The following TTC3 variants were observed in gnomAD, a reference collection of about 807,000 sequenced individuals.
TTC3 encodes the protein tetratricopeptide repeat domain 3.
A neutral mutation model predicts 249.6 loss-of-function variants in TTC3; 180 were observed. The ratio of observed to expected loss-of-function variants is 0.72; its 90% CI spans 0.64 to 0.82. TTC3 has a LOEUF of 0.82. Among genes scored for constraint, TTC3 ranks in the 40% least tolerant of loss-of-function variants. TTC3 has a pLI of 0.00. For missense variants in TTC3, 2,061 were observed against 2,398.4 expected (o/e 0.86, Z 2.94); for synonymous variants, 717 against 805.0 (o/e 0.89, Z 1.85).
intron 20 of TTC3, among the ~76,000 whole-genome samples, chr21:37,141,123 T>C (rs2078404211): frequency 6.6e-6 from 1 of 152,236 alleles, no homozygotes; most frequent in African/African-American, 2.4e-5. Context: ...CTCTGAACTC[T>C]ATTGTAGTTG....
intron 16 of TTC3, among the ~76,000 whole-genome samples, chr21:37,131,049 T>A (rs554410617): frequency 5.9e-4 from 90 of 152,244 alleles, no homozygotes; most frequent in African/African-American, 1.3e-3. Context: ...ATAATAAAAA[T>A]ATATATATAT....
At chr21:37,170,143 A>T (rs188907280) in intron 34 of TTC3, among the ~76,000 whole-genome samples, 12 of 152,360 alleles carry the variant, frequency 7.9e-5, no homozygotes, top group African/African-American at 2.9e-4. Context: ...TATATCCTAT[A>T]TGCATAGCAT....
intron 36 of TTC3, among the ~76,000 whole-genome samples, chr21:37,184,299 C>T (rs1458454629): frequency 6.6e-6 from 1 of 152,140 alleles, no homozygotes; most frequent in Non-Finnish European, 1.5e-5. Context: ...TAACTAGAGG[C>T]TGTTAATGAT....
intron 1 of TTC3, among the ~76,000 whole-genome samples, chr21:37,078,789 CA>C (rs1466774720): frequency 1.3e-5 from 2 of 151,884 alleles, no homozygotes; most frequent in East Asian, 3.9e-4. Flanking sequence ...TTAATTTATT[CA>C]TTTTTTTGGT....
At chr21:37,142,452 C>T (rs1445158794) in intron 20 of TTC3, among the ~76,000 whole-genome samples, 2 of 152,106 alleles carry the variant, frequency 1.3e-5, no homozygotes, top group Non-Finnish European at 2.9e-5. Flanking sequence ...TCTTATACAC[C>T]AGTAACAGAC....
At chr21:37,091,142 C>CG in intron 6 of TTC3, 151 bp from the exon 7 acceptor site, 1 of 717,690 alleles carries the variant, frequency 1.4e-6, no homozygotes, top group Non-Finnish European at 2.3e-6. Context: ...TCTGTCTACT[C>CG]TAAGTTACAT....
chr21:37,155,339 A>T (rs1044311293), intron 27 of TTC3, among the ~76,000 whole-genome samples: 11 of 152,166 alleles, frequency 7.2e-5, no homozygotes, highest in African/African-American at 2.7e-4. Context: ...CACTAGTGAG[A>T]TAAATTTAAC....
chr21:37,094,012 C>T, exon 8 of TTC3: 1 of 1,599,390 alleles, frequency 6.3e-7, no homozygotes, highest in Non-Finnish European at 8.5e-7. Context: ...TAGACAAGTA[C>T]CACATAACTA....
intron 35 of TTC3, among the ~76,000 whole-genome samples, chr21:37,182,140 C>T (rs921137496): frequency 7.2e-5 from 11 of 152,138 alleles, no homozygotes; most frequent in Non-Finnish European, 1.6e-4. Context: ...CCCACCCAAA[C>T]CCCTTGCTAC....
At chr21:37,127,527 T>G (rs147686297) in intron 15 of TTC3, among the ~76,000 whole-genome samples, 295 of 152,342 alleles carry the variant, frequency 1.9e-3, no homozygotes, top group Admixed American at 3.4e-3. Flanking sequence ...ATTACATGCT[T>G]CCCTGCCTTT....
exon 13 of TTC3, chr21:37,123,006 A>G: frequency 6.2e-7 from 1 of 1,614,116 alleles, no homozygotes; most frequent in Non-Finnish European, 8.5e-7. Flanking sequence ...TAAGGATCCA[A>G]TTAAAGCCTT....
intron 27 of TTC3, among the ~76,000 whole-genome samples, chr21:37,155,904 T>G (rs1314579309): frequency 6.6e-6 from 1 of 152,226 alleles, no homozygotes; most frequent in Non-Finnish European, 1.5e-5. Context: ...TTTCCTCTTT[T>G]AGACACATTT....
rs555829036 is a variant in TTC3 at position 37,101,762 on chromosome 21, C to T, written c.845+5119C>T. On this transcript the variant is annotated intron_variant, in intron 10 of 45. Coordinates refer to ENST00000355666, the Ensembl canonical transcript of TTC3. Reference sequence around the variant, plus strand: ...TAAATGGGTAGGAACATACTACATACACTGTTGTACATCTTGCTTTTTTTT... The same window carrying T: ...TAAATGGGTAGGAACATACTACATATACTGTTGTACATCTTGCTTTTTTTT... 4.6e-5 allele frequency among the ~76,000 whole-genome samples: 7 copies of T among 151,498 alleles called. No individual in the cohort carries two copies. In the South Asian group the frequency reaches 1.5e-3, roughly 31 times the overall value.
At chr21:37,142,205 C>T (rs1352954935) in intron 20 of TTC3, among the ~76,000 whole-genome samples, 2 of 152,304 alleles carry the variant, frequency 1.3e-5, no homozygotes, top group Admixed American at 1.3e-4. Flanking sequence ...TAGGGATGCC[C>T]TCTCTCACCA....
chr21:37,103,846 G>C (rs185027526), intron 10 of TTC3, among the ~76,000 whole-genome samples: 147 of 151,728 alleles, frequency 9.7e-4, no homozygotes, highest in Non-Finnish European at 1.7e-3. Flanking sequence ...ATGTTCATAG[G>C]CTAAGCCAAG....
At chr21:37,156,073 A>G (rs2080041364) in intron 27 of TTC3, among the ~76,000 whole-genome samples, 1 of 151,034 alleles carries the variant, frequency 6.6e-6, no homozygotes, top group African/African-American at 2.4e-5. Context: ...GTCTTGCCCC[A>G]TCACCCAGGC....
At chr21:37,172,464 G>A (rs1285808127) in intron 34 of TTC3, 131 bp from the exon 35 acceptor site, 2 of 1,017,470 alleles carry the variant, frequency 2.0e-6, no homozygotes, top group East Asian at 5.5e-5. Flanking sequence ...CTGAATGATT[G>A]TGACATTTCC....
At chr21:37,111,077 C>G (rs1425221147) in intron 11 of TTC3, among the ~76,000 whole-genome samples, 2 of 151,454 alleles carry the variant, frequency 1.3e-5, no homozygotes, top group Non-Finnish European at 2.9e-5. Context: ...AAAGGAACAA[C>G]CGGTACCAGC....
intron 11 of TTC3, among the ~76,000 whole-genome samples, chr21:37,115,437 A>T (rs189736026): frequency 6.6e-6 from 1 of 152,234 alleles, no homozygotes; most frequent in Non-Finnish European, 1.5e-5. Context: ...TGGGAGTGTG[A>T]TTGCTTACAA....
Sources: allele counts gnomAD v4.1 joint callset (sites outside exome capture counted in the v4.1 genomes callset), GRCh38; gene constraint gnomAD v4.1.1; transcripts MANE v1.5; gene names NCBI Gene and HGNC (gene_info 2026-07-23, HGNC 2026-07-21).